The following TMEM178B variants were observed in gnomAD, a reference collection of about 807,000 sequenced individuals.
TMEM178B encodes transmembrane protein 178B.
TMEM178B carries 5 observed loss-of-function variants against 31.0 expected under a neutral mutation model. The ratio of observed to expected loss-of-function variants is 0.16; its 90% CI spans 0.08 to 0.34. TMEM178B has a LOEUF of 0.34. TMEM178B is among the 10% of genes least tolerant of loss of function. The probability of loss-of-function intolerance (pLI) is 1.00; values close to 1 mark genes in which losing one functional copy is unlikely to be tolerated. For missense variants in TMEM178B, 275 were observed against 400.3 expected (o/e 0.69, Z 2.67); for synonymous variants, 164 against 164.0 (o/e 1.00, Z 0.00).
chr7:141,302,317 A>T (rs1483358961), intron 2 of TMEM178B, among the ~76,000 whole-genome samples: 2 of 152,242 alleles, frequency 1.3e-5, no homozygotes, highest in African/African-American at 4.8e-5. Context: ...CATGATGCTA[A>T]GTGACATAAA....
chr7:141,122,360 A>G (rs1480125665), intron 1 of TMEM178B, among the ~76,000 whole-genome samples: 3 of 152,184 alleles, frequency 2.0e-5, no homozygotes, highest in Non-Finnish European at 2.9e-5. Flanking sequence ...GACACTGTAG[A>G]TTAGGGAATT....
intron 2 of TMEM178B, among the ~76,000 whole-genome samples, chr7:141,420,573 G>A (rs369677105): frequency 2.6e-5 from 4 of 152,196 alleles, no homozygotes; most frequent in Middle Eastern, 3.4e-3. Flanking sequence ...AGGAGAGGTC[G>A]ACCGAGCCCA....
intron 2 of TMEM178B, among the ~76,000 whole-genome samples, chr7:141,377,551 A>G (rs1290920793): frequency 6.6e-6 from 1 of 152,086 alleles, no homozygotes; most frequent in African/African-American, 2.4e-5. Flanking sequence ...GACACCTGTA[A>G]TCACGGCTAC....
chr7:141,346,606 C>A (rs1188157493), intron 2 of TMEM178B, among the ~76,000 whole-genome samples: 1 of 152,028 alleles, frequency 6.6e-6, no homozygotes, highest in African/African-American at 2.4e-5. Context: ...TATGTGTACC[C>A]ATACACACTC....
In TMEM178B at chr7:141,329,666, A is replaced by T. The variant is rs200557982; in HGVS notation, c.497-107942A>T. The stretch of plus-strand genomic sequence containing the variant: ...CAGAACATTTTATAATAGCCACTGC[A>T]GATGTGTTGGGGGAAGAAAATCAAC... On this transcript the variant is annotated intron_variant, in intron 2 of 3. Coordinates refer to ENST00000565468, the MANE Select transcript of TMEM178B (RefSeq NM_001195278.2). Among the ~76,000 whole-genome samples, 170 of 152,354 alleles carry T rather than the reference A, an allele frequency of 1.1e-3. 1 individual carries two copies. Among genetic ancestry groups the T allele is most frequent in the East Asian group, 3.5e-3 (18 of 5,190 alleles).
intron 1 of TMEM178B, among the ~76,000 whole-genome samples, chr7:141,112,908 C>T (rs970631771): frequency 3.3e-5 from 5 of 152,186 alleles, no homozygotes; most frequent in Non-Finnish European, 5.9e-5. Context: ...TCTAGCCCCT[C>T]ATGTGGGGAA....
At chr7:141,156,395 G>A (rs987978134) in intron 1 of TMEM178B, among the ~76,000 whole-genome samples, 1 of 152,208 alleles carries the variant, frequency 6.6e-6, no homozygotes, top group Non-Finnish European at 1.5e-5. Context: ...CTTGAAATCT[G>A]TGTGAAGCAG....
intron 2 of TMEM178B, among the ~76,000 whole-genome samples, chr7:141,425,963 G>T (rs1475413831): frequency 2.0e-5 from 3 of 152,084 alleles, no homozygotes; most frequent in African/African-American, 7.2e-5. Context: ...AATGTCTGTT[G>T]GGTTCCTAAT....
chr7:141,286,793 G>A (rs372618338), intron 2 of TMEM178B, among the ~76,000 whole-genome samples: 7 of 152,182 alleles, frequency 4.6e-5, no homozygotes, highest in Admixed American at 3.9e-4. Flanking sequence ...TAATTAATCT[G>A]TACAGAACAT....
intron 1 of TMEM178B, among the ~76,000 whole-genome samples, chr7:141,093,271 G>A (rs1432234575): frequency 6.6e-6 from 1 of 152,186 alleles, no homozygotes; most frequent in Non-Finnish European, 1.5e-5. Context: ...AAGTTATCAG[G>A]ATTGGCGGAG....
At position 141,266,501 on chromosome 7, in the gene TMEM178B, C is replaced by T. The variant is rs571194091; in HGVS notation, c.496+53797C>T. 5.9e-5 allele frequency among the ~76,000 whole-genome samples: 9 copies of T among 152,270 alleles called. No homozygotes were observed. In the South Asian group the frequency reaches 1.0e-3, roughly 18 times the overall value. On this transcript the variant is annotated intron_variant, in intron 2 of 3. Coordinates refer to ENST00000565468, the MANE Select transcript of TMEM178B (RefSeq NM_001195278.2). The stretch of plus-strand genomic sequence containing the variant: ...AAACCCTGTGTCAATGGAGCATTCC[C>T]GGTGGGTTCAGTTCTGCATACTCCC...
chr7:141,112,511 C>T lies in TMEM178B; in HGVS notation c.382+37819C>T, dbSNP rs60773821. 4.2e-3 allele frequency among the ~76,000 whole-genome samples: 642 copies of T among 152,302 alleles called. 7 individuals carry two copies. Among genetic ancestry groups the T allele is most frequent in the African/African-American group, 0.015 (613 of 41,558 alleles). The stretch of plus-strand genomic sequence containing the variant: ...TCAAGTGATCCTCCTGCCTTGGCTT[C>T]CCAAAGTTCTGAGATAACAGGCATG... On this transcript the variant is annotated intron_variant, in intron 1 of 3. Coordinates refer to ENST00000565468, the MANE Select transcript of TMEM178B (RefSeq NM_001195278.2).
chr7:141,379,577 GTTA>G (rs758791709), intron 2 of TMEM178B, among the ~76,000 whole-genome samples: 8 of 152,138 alleles, frequency 5.3e-5, no homozygotes, highest in Non-Finnish European at 1.0e-4. Flanking sequence ...AACTTGGTTT[GTTA>G]TTATTTTTAA....
intron 1 of TMEM178B, among the ~76,000 whole-genome samples, chr7:141,131,935 A>C (rs1795601983): frequency 6.6e-6 from 1 of 152,148 alleles, no homozygotes; most frequent in African/African-American, 2.4e-5. Context: ...GATGCTCTGC[A>C]GCTTTACCAG....
the TMEM178B span, among the ~76,000 whole-genome samples, chr7:141,498,028 A>G: frequency 6.6e-6 from 1 of 152,176 alleles, no homozygotes; most frequent in Non-Finnish European, 1.5e-5. Flanking sequence ...TCACTACCTT[A>G]TCTCTAAGCT....
intron 2 of TMEM178B, among the ~76,000 whole-genome samples, chr7:141,341,667 T>C: frequency 6.6e-6 from 1 of 152,148 alleles, no homozygotes; most frequent in East Asian, 1.9e-4. Flanking sequence ...CTGCCAACTC[T>C]CCTGTCTAGC....
chr7:141,482,681 G>C (rs562914764), downstream of TMEM178B, among the ~76,000 whole-genome samples: 7 of 152,260 alleles, frequency 4.6e-5, no homozygotes, highest in African/African-American at 1.7e-4. Flanking sequence ...ACTATACTCA[G>C]GGTTATGGTT....
chr7:141,361,215 C>G (rs1436496574), intron 2 of TMEM178B, among the ~76,000 whole-genome samples: 1 of 152,150 alleles, frequency 6.6e-6, no homozygotes, highest in African/African-American at 2.4e-5. Context: ...GTCCTTGCTC[C>G]TTTACTGGAG....
intron 1 of TMEM178B, among the ~76,000 whole-genome samples, chr7:141,138,201 A>G (rs550473076): frequency 1.1e-4 from 17 of 152,072 alleles, no homozygotes; most frequent in Admixed American, 5.2e-4. Context: ...AGCTGGGACT[A>G]CAGGCACCCA....
Sources: gnomAD v4.1 joint callset for allele counts (sites outside exome capture counted in the v4.1 genomes callset) on GRCh38, gnomAD v4.1.1 for gene constraint, MANE v1.5 for transcripts, NCBI Gene and HGNC (gene_info 2026-07-23, HGNC 2026-07-21) for gene names.